WDR7: variants seen among roughly 807,000 people sequenced by gnomAD.
The protein encoded by WDR7 is WD repeat-containing protein 7.
WDR7 carries 46 observed loss-of-function variants against 169.4 expected under a neutral mutation model. The ratio of observed to expected loss-of-function variants is 0.27; its 90% confidence interval spans 0.21 to 0.35. WDR7 has a LOEUF of 0.35. WDR7 is among the 10% of genes least tolerant of loss of function. The pLI, the probability that WDR7 is intolerant of heterozygous loss-of-function variation, is 1.00. For synonymous variants in WDR7, 612 were observed against 666.8 expected, an observed-to-expected ratio of 0.92 and a Z score of 1.27; for missense variants, 1,534 against 1,859.3, an observed-to-expected ratio of 0.83 and a Z score of 3.22.
At chr18:56,798,937 C>T (rs1422323769) in intron 19 of WDR7, among the ~76,000 whole-genome samples, 2 of 152,158 alleles carry the variant, frequency 1.3e-5, no homozygotes, top group African/African-American at 2.4e-5. Context: ...GTATGTATCA[C>T]AGCTTGTTTT....
chr18:56,974,308 C>A (rs2047533730), intron 26 of WDR7, among the ~76,000 whole-genome samples: 1 of 151,478 alleles, frequency 6.6e-6, no homozygotes, highest in African/African-American at 2.4e-5. Context: ...CTTGTCTTGT[C>A]CTTTCCCTTT....
intron 26 of WDR7, among the ~76,000 whole-genome samples, chr18:56,989,501 C>G (rs893505050): frequency 6.6e-6 from 1 of 152,122 alleles, no homozygotes; most frequent in African/African-American, 2.4e-5. Flanking sequence ...ACAACTTCTA[C>G]TCTAATTTGT....
intron 20 of WDR7, among the ~76,000 whole-genome samples, chr18:56,877,994 T>C (rs1239202585): frequency 6.6e-6 from 1 of 152,198 alleles, no homozygotes; most frequent in Non-Finnish European, 1.5e-5. Flanking sequence ...CTACTAATTC[T>C]GTGGATGCTT....
intron 7 of WDR7, among the ~76,000 whole-genome samples, chr18:56,690,511 A>G (rs1004470765): frequency 2.6e-5 from 4 of 152,132 alleles, no homozygotes; most frequent in African/African-American, 7.2e-5. Context: ...GCCAGAGTTT[A>G]TTGTTAGAAA....
Position 56,759,063 on chromosome 18 carries a change from G to C in WDR7, c.2848+110G>C, listed in dbSNP as rs183493913. 1.3e-5 allele frequency: 10 copies of C among 790,444 alleles called. No individual in the cohort carries two copies. In the Admixed American group the frequency reaches 2.3e-4, roughly 18 times the overall value. 49.0% of individuals were successfully genotyped at this position (790,444 alleles called of 1,614,324 possible). On this transcript the variant is annotated intron_variant, in intron 16 of 27. Transcript: ENST00000254442. The stretch of plus-strand genomic sequence containing the variant: ...TTGTTTGTCTTGGATTGTTAAAAGA[G>C]AGAAAAGTTGTTATATTCCAGATGT...
intron 26 of WDR7, among the ~76,000 whole-genome samples, chr18:56,992,927 A>G (rs541234830): frequency 6.6e-6 from 1 of 152,334 alleles, no homozygotes; most frequent in African/African-American, 2.4e-5. Context: ...CAGTAGGTAA[A>G]CCATACTGAT....
At chr18:56,830,965 G>A (rs2045298105) in intron 20 of WDR7, among the ~76,000 whole-genome samples, 1 of 152,122 alleles carries the variant, frequency 6.6e-6, no homozygotes, top group African/African-American at 2.4e-5. Context: ...TTACTGATAT[G>A]CAGGATGTGG....
At chr18:57,020,624 AAGAAGATAACAGC>A in intron 26 of WDR7, 108 bp from the exon 27 acceptor site, 1 of 869,362 alleles carries the variant, frequency 1.2e-6, no homozygotes, top group South Asian at 1.7e-5. Context: ...TTTATAAACA[AAGAAGATAACAGC>A]ATCTAATACC....
intron 20 of WDR7, among the ~76,000 whole-genome samples, chr18:56,876,431 A>T (rs767157605): frequency 2.0e-5 from 3 of 152,220 alleles, no homozygotes; most frequent in Non-Finnish European, 2.9e-5. Flanking sequence ...CCAAAGAGAC[A>T]TAACTAGGCT....
chr18:56,829,128 A>G (rs2045265511), intron 20 of WDR7, among the ~76,000 whole-genome samples: 1 of 151,614 alleles, frequency 6.6e-6, no homozygotes, highest in Non-Finnish European at 1.5e-5. Flanking sequence ...TCCAAAAAAA[A>G]AAAAAAAAAA....
chr18:56,679,239 T>C, intron 2 of WDR7, 93 bp from the exon 3 acceptor site: 1 of 986,962 alleles, frequency 1.0e-6, no homozygotes, highest in Non-Finnish European at 1.5e-6. Context: ...GCAGTCTACC[T>C]AGTCTTCTAT....
chr18:56,960,982 T>TAA (rs760439677), intron 25 of WDR7, among the ~76,000 whole-genome samples: 4 of 145,962 alleles, frequency 2.7e-5, no homozygotes, highest in African/African-American at 7.5e-5. Flanking sequence ...TACTAAAAGT[T>TAA]AAAAAAAAAA....
chr18:56,845,767 A>G (rs1040464819), intron 20 of WDR7, among the ~76,000 whole-genome samples: 4 of 152,276 alleles, frequency 2.6e-5, no homozygotes, highest in Admixed American at 2.6e-4. Flanking sequence ...ATAATTCAGT[A>G]TTAGATATAA....
intron 26 of WDR7, among the ~76,000 whole-genome samples, chr18:56,995,852 C>T (rs2047892541): frequency 6.6e-6 from 1 of 152,106 alleles, no homozygotes; most frequent in African/African-American, 2.4e-5. Flanking sequence ...GGTTCCTTTC[C>T]CAAGGCATTG....
chr18:56,679,179 C>A (rs760807707), intron 2 of WDR7, among the ~76,000 whole-genome samples, 153 bp from the exon 3 acceptor site: 16 of 152,160 alleles, frequency 1.1e-4, no homozygotes, highest in Admixed American at 6.5e-4. Flanking sequence ...TTCTCCCAGG[C>A]GGCTCCAGCA....
intron 3 of WDR7, among the ~76,000 whole-genome samples, chr18:56,680,884 G>A (rs1382880309): frequency 6.6e-6 from 1 of 152,078 alleles, no homozygotes; most frequent in Non-Finnish European, 1.5e-5. Context: ...TCTTGTTTTT[G>A]TCACTTGTCC....
intron 14 of WDR7, among the ~76,000 whole-genome samples, chr18:56,749,027 AGAT>A (rs1388730433): frequency 6.6e-6 from 1 of 151,984 alleles, no homozygotes; most frequent in Non-Finnish European, 1.5e-5. Context: ...ATTTTTTAGT[AGAT>A]GATGAGGTTT....
intron 16 of WDR7, among the ~76,000 whole-genome samples, chr18:56,770,484 G>A (rs773610278): frequency 3.3e-5 from 5 of 152,178 alleles, no homozygotes; most frequent in African/African-American, 4.8e-5. Context: ...TATTTTGGAC[G>A]TTAGTAATGA....
intron 26 of WDR7, among the ~76,000 whole-genome samples, chr18:57,010,926 TATG>T (rs2048126877): frequency 6.6e-6 from 1 of 152,328 alleles, no homozygotes; most frequent in African/African-American, 2.4e-5. Flanking sequence ...GAGTTTGCTG[TATG>T]ATGATTACAG....
Sources: allele counts gnomAD v4.1 joint callset (sites outside exome capture counted in the v4.1 genomes callset), GRCh38; gene constraint gnomAD v4.1.1; transcripts MANE v1.5; gene names NCBI Gene and HGNC (gene_info 2026-07-23, HGNC 2026-07-21).